Variants in BBS9 observed in about 807,000 individuals in gnomAD.
The protein encoded by BBS9 is protein PTHB1.
A neutral mutation model predicts 117.7 loss-of-function variants in BBS9; 89 were observed. That is an observed-to-expected ratio of 0.76 (90% CI 0.64 to 0.90). The LOEUF (loss-of-function observed/expected upper bound fraction) is 0.90. Ranked by LOEUF, BBS9 falls within the 40% of genes least tolerant of loss-of-function variation. The pLI is 0.00. For synonymous variants in BBS9, 379 were observed against 370.9 expected, an observed-to-expected ratio of 1.02 and a Z score of -0.25; for missense variants, 982 against 1,042.2, an observed-to-expected ratio of 0.94 and a Z score of 0.80.
At chr7:33,412,915 C>T (rs952604078) in intron 19 of BBS9, among the ~76,000 whole-genome samples, 3 of 152,184 alleles carry the variant, frequency 2.0e-5, no homozygotes, top group Middle Eastern at 3.4e-3. Flanking sequence ...CTTGAGTTAG[C>T]CTTTTATTCT....
chr7:33,247,153 A>T (rs1243423609), intron 5 of BBS9, among the ~76,000 whole-genome samples: 1 of 151,856 alleles, frequency 6.6e-6, no homozygotes, highest in African/African-American at 2.4e-5. Flanking sequence ...TTTTCCCTTG[A>T]TTTTTAAGTT....
chr7:33,446,188 A>C (rs2128907424), intron 19 of BBS9, among the ~76,000 whole-genome samples: 1 of 152,292 alleles, frequency 6.6e-6, no homozygotes, highest in East Asian at 1.9e-4. Flanking sequence ...TCATCATGGA[A>C]TCATAGTCAC....
At chr7:33,249,454 G>A (rs1795896879) in intron 5 of BBS9, among the ~76,000 whole-genome samples, 1 of 151,916 alleles carries the variant, frequency 6.6e-6, no homozygotes, top group Non-Finnish European at 1.5e-5. Flanking sequence ...ACATGAAGCT[G>A]CCATAATGGA....
chr7:33,238,112 G>A (rs1793834516), intron 5 of BBS9, among the ~76,000 whole-genome samples: 1 of 152,096 alleles, frequency 6.6e-6, no homozygotes, highest in African/African-American at 2.4e-5. Flanking sequence ...CCAATATTTA[G>A]GTCACCATTT....
intron 5 of BBS9, among the ~76,000 whole-genome samples, chr7:33,186,394 C>T (rs1257491817): frequency 2.0e-5 from 3 of 152,144 alleles, no homozygotes; most frequent in Non-Finnish European, 4.4e-5. Flanking sequence ...CTGTCTGCAT[C>T]TAGAGGCTTC....
intron 19 of BBS9, among the ~76,000 whole-genome samples, chr7:33,498,231 T>C (rs756812971): frequency 2.0e-5 from 3 of 152,204 alleles, no homozygotes; most frequent in Non-Finnish European, 2.9e-5. Flanking sequence ...GATATGGCCA[T>C]TAATATATCA....
At chr7:33,286,470 A>G (rs894317158) in intron 9 of BBS9, among the ~76,000 whole-genome samples, 4 of 152,124 alleles carry the variant, frequency 2.6e-5, no homozygotes, top group African/African-American at 7.2e-5. Context: ...TTTTTCTTAG[A>G]AAACACATGT....
chr7:33,261,001 CT>C (rs1410854369), intron 6 of BBS9, among the ~76,000 whole-genome samples: 1 of 151,572 alleles, frequency 6.6e-6, no homozygotes, highest in Non-Finnish European at 1.5e-5. Flanking sequence ...CTTCTCCAAT[CT>C]TTGGCTCTGA....
chr7:33,330,349 A>G (rs1308096862), intron 9 of BBS9, among the ~76,000 whole-genome samples: 2 of 152,272 alleles, frequency 1.3e-5, no homozygotes, highest in African/African-American at 2.4e-5. Context: ...AACCAGTTGA[A>G]TATCAGGAAC....
chr7:33,383,619 A>G (rs766805234), intron 17 of BBS9, 47 bp from the exon 18 acceptor site: 2 of 1,500,678 alleles, frequency 1.3e-6, no homozygotes, highest in Admixed American at 3.8e-5. Flanking sequence ...AGCTTTATCT[A>G]GTAATTCTGT....
intron 5 of BBS9, among the ~76,000 whole-genome samples, chr7:33,217,175 T>A (rs1352812761): frequency 1.3e-5 from 2 of 151,968 alleles, no homozygotes; most frequent in Non-Finnish European, 2.9e-5. Flanking sequence ...TGACACTTTC[T>A]TTTTATTGAA....
intron 19 of BBS9, among the ~76,000 whole-genome samples, chr7:33,432,777 A>C (rs112758027): frequency 6.7e-6 from 1 of 150,166 alleles, no homozygotes; most frequent in Admixed American, 6.6e-5. Flanking sequence ...TATGATAAGC[A>C]TGCTTTTCCT....
Position 33,273,414 on chromosome 7 carries a change from A to C in BBS9, c.886+219A>C, listed in dbSNP as rs7803922. On this transcript the variant is annotated intron_variant, in intron 8 of 22. Transcript: ENST00000242067. ...TTTACTTTGTACAAAATGACTTGTA[A>C]AATTGGCCTCCGGCATACATTAATA... is the stretch of plus-strand genomic sequence containing the variant. Among the ~76,000 whole-genome samples, 11,424 of 152,250 alleles carry C rather than the reference A, an allele frequency of 0.075. 910 individuals are homozygous for C. Among genetic ancestry groups the C allele is most frequent in the African/African-American group, 0.2 (8,150 of 41,534 alleles).
At chr7:33,460,220 G>A (rs899994399) in intron 19 of BBS9, among the ~76,000 whole-genome samples, 2 of 152,032 alleles carry the variant, frequency 1.3e-5, no homozygotes, top group Admixed American at 1.3e-4. Flanking sequence ...TGTGATTTAC[G>A]TTAAACTGAT....
chr7:33,461,876 T>G (rs1036901908), intron 19 of BBS9, among the ~76,000 whole-genome samples: 29 of 152,164 alleles, frequency 1.9e-4, no homozygotes, highest in African/African-American at 7.0e-4. Flanking sequence ...TCACATGACA[T>G]ATCTCATTAC....
intron 2 of BBS9, among the ~76,000 whole-genome samples, chr7:33,151,224 C>G (rs1793254291): frequency 6.6e-6 from 1 of 151,906 alleles, no homozygotes; most frequent in African/African-American, 2.4e-5. Flanking sequence ...TGTACTCAAG[C>G]CTGGGCAACA....
At chr7:33,150,877 G>A (rs61042987) in intron 2 of BBS9, among the ~76,000 whole-genome samples, 1 of 152,190 alleles carries the variant, frequency 6.6e-6, no homozygotes, top group Non-Finnish European at 1.5e-5. Flanking sequence ...AGAGATCTTA[G>A]AGGAGTTCTT....
At chr7:33,630,682 G>C (rs1865849288) in intron 21 of BBS9, among the ~76,000 whole-genome samples, 1 of 152,172 alleles carries the variant, frequency 6.6e-6, no homozygotes. Flanking sequence ...GTGGAGCCAA[G>C]TTCCTTCATC....
At chr7:33,346,385 A>T in intron 12 of BBS9, 1 of 352,524 alleles carries the variant, frequency 2.8e-6, no homozygotes, top group Non-Finnish European at 5.7e-6. Flanking sequence ...GTGGTTGTTC[A>T]TACCTGGCCT....
Sources: gnomAD v4.1 joint callset for allele counts (sites outside exome capture counted in the v4.1 genomes callset) on GRCh38, gnomAD v4.1.1 for gene constraint, MANE v1.5 for transcripts, NCBI Gene and HGNC (gene_info 2026-07-23, HGNC 2026-07-21) for gene names.